URI1: variants seen among roughly 807,000 people sequenced by gnomAD.
URI1 encodes the protein unconventional prefoldin RPB5 interactor 1.
URI1 carries 39 observed loss-of-function variants against 60.2 expected under a neutral mutation model. The ratio of observed to expected loss-of-function variants is 0.65; its 90% CI spans 0.50 to 0.85. The LOEUF is 0.85. Ranked by LOEUF, URI1 falls within the 40% of genes least tolerant of loss-of-function variation. The pLI is 0.00. For missense variants in URI1, 691 were observed against 665.9 expected, an observed-to-expected ratio of 1.04 and a Z score of -0.42; for synonymous variants, 251 against 236.8, an observed-to-expected ratio of 1.06 and a Z score of -0.55.
At chr19:29,933,997 G>A (rs184061433) in intron 1 of URI1, among the ~76,000 whole-genome samples, 29 of 136,142 alleles carry the variant, frequency 2.1e-4, no homozygotes, top group Non-Finnish European at 3.5e-4. Flanking sequence ...GTGCAGTGGT[G>A]CCATCTCGGC....
intron 9 of URI1, among the ~76,000 whole-genome samples, chr19:30,011,956 G>A (rs2056026482): frequency 6.6e-6 from 1 of 151,450 alleles, no homozygotes; most frequent in Non-Finnish European, 1.5e-5. Context: ...TAAATGATGA[G>A]TTAATGGGTG....
At chr19:30,005,268 TC>T (rs2055925841) in intron 4 of URI1, 92 bp from the exon 5 acceptor site, 2 of 677,984 alleles carry the variant, frequency 2.9e-6, no homozygotes, top group African/African-American at 3.7e-5. Flanking sequence ...TACTGTTAAA[TC>T]ATACTTGTAG....
chr19:30,014,549 T>C (rs2056061715), intron 10 of URI1, among the ~76,000 whole-genome samples: 2 of 152,236 alleles, frequency 1.3e-5, no homozygotes, highest in African/African-American at 4.8e-5. Context: ...TTTATTTTAA[T>C]ACATTATTTT....
At chr19:29,968,497 A>T (rs2055416724) in intron 1 of URI1, among the ~76,000 whole-genome samples, 1 of 151,704 alleles carries the variant, frequency 6.6e-6, no homozygotes, top group African/African-American at 2.4e-5. Context: ...AATTTAACTT[A>T]AGGGAAAAAT....
At chr19:29,980,290 G>A (rs947222940) in intron 2 of URI1, 1 of 152,046 alleles carries the variant, frequency 6.6e-6, no homozygotes, top group Non-Finnish European at 1.5e-5. Flanking sequence ...TAGGCTTGTT[G>A]TAGAGGAGCT....
intron 7 of URI1, among the ~76,000 whole-genome samples, chr19:30,008,777 C>T (rs1568446234): frequency 6.6e-6 from 1 of 152,066 alleles, no homozygotes; most frequent in Non-Finnish European, 1.5e-5. Flanking sequence ...AAAAAATTAT[C>T]TTCTATATTC....
chr19:29,956,320 C>T, intron 1 of URI1: 4 of 385,028 alleles, frequency 1.0e-5, no homozygotes, highest in South Asian at 2.4e-5. Context: ...AGGTCCAAAT[C>T]AATAGGTCTT....
At chr19:30,004,746 T>G (rs898442531) in intron 4 of URI1, among the ~76,000 whole-genome samples, 20 of 152,064 alleles carry the variant, frequency 1.3e-4, no homozygotes, top group African/African-American at 4.8e-4. Context: ...GTTGCATTTG[T>G]CCAGTATTGG....
rs1414915047 is a variant in URI1, at chr19:30,016,241, T to C, written c.*1172T>C. 6.6e-6 allele frequency: 1 copy of C among 152,146 alleles called. No individual in the cohort carries two copies. The highest frequency in any genetic ancestry group is 2.4e-5 in the African/African-American group (1 of 41,456). 9.4% of individuals were successfully genotyped at this position (152,146 alleles called of 1,614,324 possible). On this transcript the variant is annotated 3_prime_UTR_variant, in exon 11 of 11. Transcript: ENST00000392271. The stretch of plus-strand genomic sequence containing the variant: ...CTATTCGTAACTAGAGCAGTGCAAC[T>C]TTAAAGTTTTATGAATATGTATTTT...
chr19:30,009,233 TGA>T lies in URI1; in HGVS notation c.916_917del (p.Asp306Ter). On this transcript the variant is annotated frameshift_variant, in exon 8 of 11. Coordinates refer to ENST00000392271, the MANE Select transcript of URI1 (RefSeq NM_003796.3). LOFTEE classifies it high-confidence loss of function. ...ACAGTGATGATGATGATGATGATGA[TGA>T]TGACGACGACGACGACAACATTGAC... Reference protein sequence around the residue: ...YHSDDDDDDDDDDDDDNIDDD... With the variant: ...YHSDDDDDDDXDDDDDNIDDD... The T allele has an allele frequency of 6.2e-7, 1 of 1,602,694 alleles. No individual in the cohort carries two copies. Among genetic ancestry groups the T allele is most frequent in the South Asian group, 1.1e-5 (1 of 90,730 alleles).
At chr19:29,936,045 C>T (rs2054969225) in intron 1 of URI1, among the ~76,000 whole-genome samples, 1 of 152,114 alleles carries the variant, frequency 6.6e-6, no homozygotes, top group Non-Finnish European at 1.5e-5. Flanking sequence ...CTTGGCCTCC[C>T]AAAGTGCTGG....
intron 10 of URI1, among the ~76,000 whole-genome samples, chr19:30,013,692 A>G (rs162944): frequency 0.011 from 1,674 of 152,296 alleles, 41 homozygotes; most frequent in African/African-American, 0.039. Context: ...GTTCATGATT[A>G]TGGTAAGTAC....
chr19:29,947,136 C>T (rs552420186), intron 1 of URI1, among the ~76,000 whole-genome samples: 1 of 152,222 alleles, frequency 6.6e-6, no homozygotes, highest in Admixed American at 6.5e-5. Flanking sequence ...GCTTTCTAGC[C>T]AGTATGAGAG....
intron 1 of URI1, among the ~76,000 whole-genome samples, chr19:29,945,618 A>G (rs1441103806): frequency 6.6e-6 from 1 of 152,256 alleles, no homozygotes; most frequent in Non-Finnish European, 1.5e-5. Flanking sequence ...ATCTAGCAAT[A>G]AAACATGTAA....
chr19:29,963,692 A>G (rs1390976265), intron 1 of URI1, among the ~76,000 whole-genome samples: 1 of 152,196 alleles, frequency 6.6e-6, no homozygotes, highest in Non-Finnish European at 1.5e-5. Context: ...ATATTCCTGA[A>G]GGTGATAACT....
chr19:29,981,835 C>T (rs1014709357), intron 2 of URI1, among the ~76,000 whole-genome samples: 2 of 151,922 alleles, frequency 1.3e-5, no homozygotes, highest in African/African-American at 4.8e-5. Flanking sequence ...GTAATGACTC[C>T]TGTGTCCAAA....
chr19:29,999,435 C>G (rs184314609), intron 4 of URI1, among the ~76,000 whole-genome samples: 33 of 152,182 alleles, frequency 2.2e-4, no homozygotes, highest in Non-Finnish European at 4.3e-4. Context: ...TGTTGTTTTG[C>G]TAAACATAGA....
intron 2 of URI1, among the ~76,000 whole-genome samples, chr19:29,982,174 A>G (rs2055607076): frequency 6.6e-6 from 1 of 152,196 alleles, no homozygotes; most frequent in African/African-American, 2.4e-5. Flanking sequence ...CATGGGCTGC[A>G]TTTTAAGTGA....
In URI1 at chr19:30,002,960, TTAAA is replaced by T. The variant is rs1253698178; in HGVS notation, c.368-2399_368-2396del. ...GAGCGTTAAAATTGATTGAGTCTGTTTAAATGATCCATTTTTAGTGACATGTATA... is the reference window on the plus strand; with the variant it reads ...GAGCGTTAAAATTGATTGAGTCTGTTTGATCCATTTTTAGTGACATGTATA... On this transcript the variant is annotated intron_variant, in intron 4 of 10. Transcript: ENST00000392271. Among the ~76,000 whole-genome samples, 6 of 152,138 alleles carry T rather than the reference TTAAA, an allele frequency of 3.9e-5. No homozygotes were observed. In the East Asian group the frequency reaches 9.7e-4, roughly 24 times the overall value.
Sources: gnomAD v4.1 joint callset for allele counts (sites outside exome capture counted in the v4.1 genomes callset) on GRCh38, gnomAD v4.1.1 for gene constraint, MANE v1.5 for transcripts, NCBI Gene and HGNC (gene_info 2026-07-23, HGNC 2026-07-21) for gene names.